Variants in CTSB observed in about 807,000 individuals in gnomAD.
CTSB encodes APP secretase.
Under a neutral mutation model 44.3 loss-of-function variants are expected in CTSB, and 57 were observed. That is an observed-to-expected ratio of 1.29 (90% confidence interval 1.04 to 1.60). The LOEUF (loss-of-function observed/expected upper bound fraction) is 1.60. Among genes scored for constraint, CTSB ranks in the 40% most tolerant of loss-of-function variants. The pLI, the probability that CTSB is intolerant of heterozygous loss-of-function variation, is 0.00. For synonymous variants in CTSB, 320 were observed against 168.0 expected, an observed-to-expected ratio of 1.91 and a Z score of -7.00; for missense variants, 768 against 443.0, an observed-to-expected ratio of 1.73 and a Z score of -6.59.
chr8:11,866,467 G>C (rs956598438), intron 1 of CTSB, among the ~76,000 whole-genome samples: 1 of 152,244 alleles, frequency 6.6e-6, no homozygotes, highest in South Asian at 2.1e-4. Context: ...ACGAAGGGAA[G>C]CCTCTGTTCT....
chr8:11,865,917 G>A (rs1278738673), intron 1 of CTSB, among the ~76,000 whole-genome samples: 3 of 148,820 alleles, frequency 2.0e-5, no homozygotes, highest in African/African-American at 7.4e-5. Flanking sequence ...TGGGAGGGAG[G>A]CTGAGACAGG....
intron 1 of CTSB, among the ~76,000 whole-genome samples, chr8:11,864,059 G>C (rs996189923): frequency 1.3e-5 from 2 of 152,134 alleles, no homozygotes; most frequent in African/African-American, 4.8e-5. Context: ...AAATGGACTA[G>C]AACTGGATGT....
chr8:11,858,432 C>T (rs1379712802), intron 1 of CTSB, among the ~76,000 whole-genome samples: 1 of 152,130 alleles, frequency 6.6e-6, no homozygotes, highest in Non-Finnish European at 1.5e-5. Context: ...GGAGCTGGGA[C>T]TACAGGCATA....
chr8:11,864,256 A>T (rs1415957984), intron 1 of CTSB: 1 of 144,422 alleles, frequency 6.9e-6, no homozygotes, highest in Non-Finnish European at 1.5e-5. Context: ...AGGCAAGGGG[A>T]TCACTTGAAA....
chr8:11,848,770 A>G, intron 5 of CTSB: 1 of 360,746 alleles, frequency 2.8e-6, no homozygotes, highest in South Asian at 2.8e-5. Flanking sequence ...GATGACACAA[A>G]CCAGACCAGG....
rs768466215 is a variant in CTSB, at chr8:11,844,065, A to G, written c.*1060T>C. The stretch of plus-strand genomic sequence containing the variant: ...AACAACAAAAAAATAGAGCACAGCT[A>G]TGTTTTGAGTTCTTAAGCAAGGGCA... On this transcript the variant is annotated 3_prime_UTR_variant, in exon 10 of 10. Coordinates refer to ENST00000353047, the MANE Select transcript of CTSB (RefSeq NM_001908.5). The G allele has an allele frequency of 6.6e-6, 1 of 152,172 alleles. No homozygotes were observed. The highest frequency in any genetic ancestry group is 1.5e-5 in the Non-Finnish European group (1 of 68,016). The allele number at this position is 152,172 out of a possible 1,614,324, so 9.4% of individuals were successfully genotyped here.
chr8:11,853,428 G>A lies in CTSB; in HGVS notation c.27C>T (p.Cys9=), dbSNP rs1377926205. The change falls in exon 2 of 10, where the codon TGC becomes TGT. Residue 9 remains cysteine, a synonymous_variant. Coordinates refer to ENST00000353047, the MANE Select transcript of CTSB (RefSeq NM_001908.5). MWQLWASL[C]CLLVLANARS... ...GGGCATTGGCCAACACCAGCAGGCA[G>A]CAGAGGGAGGCCCAGAGCTGCCACA... 4 of 1,612,360 alleles carry A rather than the reference G, an allele frequency of 2.5e-6. No individual in the cohort carries two copies. The highest frequency in any genetic ancestry group is 1.1e-5 in the South Asian group (1 of 90,964).
At chr8:11,853,578 G>T in intron 1 of CTSB, 99 bp from the exon 2 acceptor site, 2 of 1,204,874 alleles carry the variant, frequency 1.7e-6, no homozygotes, top group African/African-American at 1.5e-5. Flanking sequence ...GGACCCCCAT[G>T]CTCGTCCTGG....
chr8:11,849,368 A>C, intron 4 of CTSB: 6 of 399,740 alleles, frequency 1.5e-5, no homozygotes, highest in South Asian at 5.3e-5. Context: ...CTGGTCTTGA[A>C]CTCCCGGGTT....
intron 4 of CTSB, chr8:11,849,374 G>T: frequency 2.6e-6 from 1 of 390,330 alleles, no homozygotes; most frequent in South Asian, 2.7e-5. Context: ...TTGAACTCCC[G>T]GGTTCAAGTG....
At chr8:11,866,832 C>G (rs1256342281) in intron 1 of CTSB, among the ~76,000 whole-genome samples, 2 of 152,194 alleles carry the variant, frequency 1.3e-5, no homozygotes, top group African/African-American at 4.8e-5. Flanking sequence ...TGTGCTCCAG[C>G]CTGAGAGACA....
chr8:11,857,906 G>C (rs1383386035), intron 1 of CTSB: 2 of 137,136 alleles, frequency 1.5e-5, no homozygotes, highest in Admixed American at 1.5e-4. Context: ...CTCCCCTATG[G>C]TATCCAGGTT....
At position 11,847,614 on chromosome 8, in the gene CTSB, G is replaced by A. The variant is rs141494824; in HGVS notation, c.676+65C>T. The A allele has an allele frequency of 8.0e-4, 1,184 of 1,482,296 alleles. 21 individuals carry two copies. In the Admixed American group the frequency reaches 0.02, roughly 25 times the overall value. The allele number at this position is 1,482,296 out of a possible 1,614,324, so 91.8% of individuals were successfully genotyped here. ...TCAGCCCTGACCTCTTCGCTGCAGC[G>A]TGAGGAGGGATGCAGCAGCTCCCCA... On this transcript the variant is annotated intron_variant, in intron 7 of 9. Transcript: ENST00000353047.
chr8:11,846,031 G>A, intron 8 of CTSB: 1 of 353,776 alleles, frequency 2.8e-6, no homozygotes, highest in Non-Finnish European at 5.1e-6. Context: ...AAATGTGCTT[G>A]TTGGCTTTAA....
intron 4 of CTSB, among the ~76,000 whole-genome samples, chr8:11,849,755 C>G (rs1814206426): frequency 6.6e-6 from 1 of 151,822 alleles, no homozygotes; most frequent in Non-Finnish European, 1.5e-5. Context: ...TAAGTTTTGT[C>G]TTTTTAGTAG....
At chr8:11,852,168 C>T (rs1009510835) in intron 3 of CTSB, among the ~76,000 whole-genome samples, 2 of 152,030 alleles carry the variant, frequency 1.3e-5, no homozygotes, top group East Asian at 2.0e-4. Context: ...GCCAAGAGTT[C>T]GAGACGAGCC....
chr8:11,845,311 T>G (rs989488833), intron 9 of CTSB, 89 bp from the exon 10 acceptor site: 7 of 1,008,844 alleles, frequency 6.9e-6, no homozygotes, highest in Non-Finnish European at 9.1e-6. Flanking sequence ...AAGTCACTCA[T>G]CCCTGGCCAC....
intron 1 of CTSB, among the ~76,000 whole-genome samples, chr8:11,858,530 T>G (rs1226568903): frequency 1.3e-5 from 2 of 152,222 alleles, no homozygotes; most frequent in Non-Finnish European, 2.9e-5. Flanking sequence ...ACTCAAGTGA[T>G]CTGCCCGCCT....
intron 3 of CTSB, 142 bp from the exon 4 acceptor site, chr8:11,851,122 C>G (rs1397250666): frequency 2.1e-6 from 1 of 467,928 alleles, no homozygotes; most frequent in Admixed American, 3.3e-5. Flanking sequence ...AGACAGGTGT[C>G]CTTGGTAATT....
Sources: allele counts gnomAD v4.1 joint callset (sites outside exome capture counted in the v4.1 genomes callset), GRCh38; gene constraint gnomAD v4.1.1; transcripts MANE v1.5; gene names NCBI Gene and HGNC (gene_info 2026-07-23, HGNC 2026-07-21).